KIF15: variants seen among roughly 807,000 people sequenced by gnomAD.
KIF15 encodes the protein kinesin family member 15, also known as kinesin-like protein KIF15.
In KIF15, 140 loss-of-function variants were observed where a neutral mutation model predicts 190.6. That is an observed-to-expected ratio of 0.73 (90% CI 0.64 to 0.84). KIF15 has a LOEUF of 0.84. Among genes scored for constraint, KIF15 ranks in the 40% least tolerant of loss-of-function variants. The pLI is 0.00. For synonymous variants in KIF15, 528 were observed against 551.3 expected (o/e 0.96, Z 0.59); for missense variants, 1,372 against 1,584.4 (o/e 0.87, Z 2.28).
At chr3:44,863,298 G>GAAC in intron 6 of KIF15, 1 of 38,726 alleles carries the variant, frequency 2.6e-5, no homozygotes. Flanking sequence ...TTTAGATTCC[G>GAAC]CACCCCCCCC....
intron 20 of KIF15, among the ~76,000 whole-genome samples, chr3:44,818,727 G>A (rs1708135966): frequency 6.6e-6 from 1 of 152,044 alleles, no homozygotes; most frequent in African/African-American, 2.4e-5. Flanking sequence ...GTCTCTGCCA[G>A]GCTTTGGTAT....
At position 44,792,983 on chromosome 3, in the gene KIF15, C is replaced by T. The variant is rs575733274; in HGVS notation, c.640-1234C>T. Among the ~76,000 whole-genome samples, 3 of 152,290 alleles carry T rather than the reference C, an allele frequency of 2.0e-5. No homozygotes were observed. In the South Asian group the frequency reaches 6.2e-4, roughly 32 times the overall value. On this transcript the variant is annotated intron_variant, in intron 7 of 34. Coordinates refer to ENST00000326047, the MANE Select transcript of KIF15 (RefSeq NM_020242.3). The stretch of plus-strand genomic sequence containing the variant: ...ATTTTACCCTATATATACTGTTACC[C>T]TCCTACCCAAAATGTGGTCCTCAGA...
intron 4 of KIF15, 52 bp from the exon 5 acceptor site, chr3:44,780,833 A>C (rs1575586158): frequency 5.1e-6 from 6 of 1,173,804 alleles, no homozygotes; most frequent in Non-Finnish European, 7.5e-6. Flanking sequence ...TAATAGGAGG[A>C]GTAGTCTTTT....
intron 8 of KIF15, among the ~76,000 whole-genome samples, chr3:44,795,185 A>G (rs1417662285): frequency 6.6e-6 from 1 of 152,176 alleles, no homozygotes; most frequent in Non-Finnish European, 1.5e-5. Context: ...GGTCAGAGGA[A>G]GAAGGGTGCA....
In KIF15 at chr3:44,761,854, G is replaced by A; in HGVS notation, c.-12G>A. The A allele has an allele frequency of 6.2e-7, 1 of 1,614,172 alleles. No homozygotes were observed. Among genetic ancestry groups the A allele is most frequent in the Non-Finnish European group, 8.5e-7 (1 of 1,180,034 alleles). On this transcript the variant is annotated 5_prime_UTR_variant, in exon 1 of 35. Coordinates refer to ENST00000326047, the MANE Select transcript of KIF15 (RefSeq NM_020242.3). ...GGCTGCATTGTTTTCGGGATCGAGG[G>A]GTGAGGGCGCTATGGCACCCGGCTG...
At chr3:44,811,654 A>G (rs968667722) in intron 17 of KIF15, among the ~76,000 whole-genome samples, 2 of 152,240 alleles carry the variant, frequency 1.3e-5, no homozygotes, top group Non-Finnish European at 2.9e-5. Flanking sequence ...TCAAAAAAAA[A>G]GAAAGTTAAA....
rs1177478772 is a variant in KIF15, at chr3:44,821,446, G to A, written c.2550-4593G>A. ...AGAGACGCTCCTCTCCTCCCAGACG[G>A]GGTTGCGGCCGGGTAGAGGCACTCC... On this transcript the variant is annotated intron_variant, in intron 20 of 34. Transcript: ENST00000326047. Among the ~76,000 whole-genome samples the A allele has an allele frequency of 2.0e-5, 3 of 151,402 alleles. No homozygotes were observed. In the East Asian group the frequency reaches 5.9e-4, roughly 30 times the overall value.
At chr3:44,827,566 T>G in intron 23 of KIF15, 38 bp downstream of exon 23, 1 of 1,300,784 alleles carries the variant, frequency 7.7e-7, no homozygotes, top group Non-Finnish European at 1.1e-6. Flanking sequence ...TATTTGAAGT[T>G]TATAACTTTT....
At chr3:44,863,309 C>A (rs901014296) in intron 6 of KIF15, 1 of 115,032 alleles carries the variant, frequency 8.7e-6, no homozygotes, top group Admixed American at 8.3e-5. Context: ...CACCCCCCCC[C>A]CCCGCCGCCT....
intron 30 of KIF15, among the ~76,000 whole-genome samples, chr3:44,844,569 A>T (rs1698759489): frequency 6.6e-6 from 1 of 152,226 alleles, no homozygotes; most frequent in African/African-American, 2.4e-5. Context: ...TATTTCAGAG[A>T]TACGTCATAA....
Position 44,826,428 on chromosome 3 carries a change from A to T in KIF15, c.2754A>T (p.Leu918Phe), listed in dbSNP as rs765732280. The T allele has an allele frequency of 1.2e-5, 20 of 1,613,024 alleles. 2 individuals carry two copies. In the Admixed American group the frequency reaches 2.7e-4, roughly 22 times the overall value. The change falls in exon 22 of 35, where the codon TTA becomes TTT. Residue 918 changes from leucine to phenylalanine, a missense_variant. Coordinates refer to ENST00000326047, the MANE Select transcript of KIF15 (RefSeq NM_020242.3). ...AEKERNNKLS[L>F]QFEEDKENSS... ...AAGAACGCAATAACAAATTATCATT[A>T]CAGTTTGAAGAAGATAAAGAAAACA...
At chr3:44,858,198 A>G (rs1434419396), downstream of KIF15, among the ~76,000 whole-genome samples, 1 of 152,190 alleles carries the variant, frequency 6.6e-6, no homozygotes, top group African/African-American at 2.4e-5. Context: ...GGAGGAAGGT[A>G]TTGAGGACTA....
rs201825884 is a variant in KIF15, at chr3:44,826,075, C to T, written c.2586C>T (p.Cys862=). 4 of 1,588,402 alleles carry T rather than the reference C, an allele frequency of 2.5e-6. No individual in the cohort carries two copies. The highest frequency in any genetic ancestry group is 1.4e-5 in the African/African-American group (1 of 73,072). The change falls in exon 21 of 35, where the codon TGC becomes TGT. Residue 862 remains cysteine (C), a synonymous_variant. Coordinates refer to ENST00000326047, the MANE Select transcript of KIF15 (RefSeq NM_020242.3). ...ENEKLLESKA[C]LQDSYDNLQE... is the part of the protein sequence containing the mutation. Reference sequence around the variant, plus strand: ...AAAAGCTGCTTGAGAGCAAAGCCTGCCTACAGGATTCCTATGACAACTTAC... The same window carrying T: ...AAAAGCTGCTTGAGAGCAAAGCCTGTCTACAGGATTCCTATGACAACTTAC...
chr3:44,830,851 A>G, intron 25 of KIF15, 45 bp from the exon 26 acceptor site: 2 of 1,584,044 alleles, frequency 1.3e-6, no homozygotes, highest in East Asian at 4.5e-5. Context: ...TAATCTAGAA[A>G]CAGGAAATAA....
At position 44,852,787 on chromosome 3, in the gene KIF15, T is replaced by G; in HGVS notation, c.*52T>G. The stretch of plus-strand genomic sequence containing the variant: ...ACCTTGTTTGAAGATGTTTCTTCTC[T>G]TTTACAAGTAAGACCTACTCCTGGC... On this transcript the variant is annotated 3_prime_UTR_variant, in exon 35 of 35. Coordinates refer to ENST00000326047, the MANE Select transcript of KIF15 (RefSeq NM_020242.3). 6.8e-7 allele frequency: 1 copy of G among 1,466,856 alleles called. No individual in the cohort carries two copies. 90.9% of individuals were successfully genotyped at this position (1,466,856 alleles called of 1,614,324 possible).
In KIF15 at chr3:44,841,159, C is replaced by T; in HGVS notation, c.3506C>T (p.Ser1169Phe). Residue 1169 changes from serine (S) to phenylalanine (F), a missense_variant, in exon 29 of 35, where the codon TCT (serine) becomes TTT (phenylalanine). Ser to Phe is a radical substitution (Grantham distance 155). Transcript: ENST00000326047. ...CAAGAGATAGAAGATGGAAGAGCCT[C>T]TAAGACTTCTTTGGAACACCTTGTA... ...QEQEIEDGRASKTSLEHLVTK... is the reference protein window; with the variant it reads ...QEQEIEDGRAFKTSLEHLVTK... 6.2e-7 allele frequency: 1 copy of T among 1,613,476 alleles called. No individual in the cohort carries two copies. Among genetic ancestry groups the T allele is most frequent in the Non-Finnish European group, 8.5e-7 (1 of 1,179,540 alleles).
chr3:44,789,562 T>C (rs1426695988), intron 7 of KIF15, among the ~76,000 whole-genome samples: 2 of 149,868 alleles, frequency 1.3e-5, no homozygotes, highest in African/African-American at 4.9e-5. Flanking sequence ...GTCCGTGTAA[T>C]CTATTGATAC....
At chr3:44,856,321 C>A (rs1232001493), downstream of KIF15, among the ~76,000 whole-genome samples, 1 of 151,858 alleles carries the variant, frequency 6.6e-6, no homozygotes, top group Non-Finnish European at 1.5e-5. Flanking sequence ...AGGGAGGGGG[C>A]CTGAACAATC....
At chr3:44,771,217 TTAACA>T (rs1397844730) in intron 1 of KIF15, among the ~76,000 whole-genome samples, 1 of 152,202 alleles carries the variant, frequency 6.6e-6, no homozygotes, top group East Asian at 1.9e-4. Context: ...TTATAATAAC[TTAACA>T]TAACAACCTT....
Sources: gnomAD v4.1 joint callset for allele counts (sites outside exome capture counted in the v4.1 genomes callset) on GRCh38, gnomAD v4.1.1 for gene constraint, MANE v1.5 for transcripts, NCBI Gene and HGNC (gene_info 2026-07-23, HGNC 2026-07-21) for gene names.